HDAC4: variants seen among roughly 807,000 people sequenced by gnomAD.
HDAC4 encodes histone deacetylase A.
Under a neutral mutation model 135.1 loss-of-function variants are expected in HDAC4, and 16 were observed. The ratio of observed to expected loss-of-function variants is 0.12; its 90% CI spans 0.08 to 0.18. The LOEUF (loss-of-function observed/expected upper bound fraction) is 0.18. Among genes scored for constraint, HDAC4 ranks in the 10% least tolerant of loss-of-function variants. HDAC4 has a pLI of 1.00. For synonymous variants in HDAC4, 685 were observed against 653.4 expected, an observed-to-expected ratio of 1.05 and a Z score of -0.74; for missense variants, 1,143 against 1,511.8, an observed-to-expected ratio of 0.76 and a Z score of 4.05.
intron 16 of HDAC4, among the ~76,000 whole-genome samples, chr2:239,097,036 C>T (rs1292855147): frequency 1.3e-5 from 2 of 152,298 alleles, no homozygotes; most frequent in South Asian, 2.1e-4. Context: ...AGGATAGGCC[C>T]GGCCCCCATC....
intron 1 of HDAC4, among the ~76,000 whole-genome samples, chr2:239,374,654 C>T (rs112796682): frequency 0.045 from 6,883 of 152,014 alleles, 247 homozygotes; most frequent in Non-Finnish European, 0.062. Context: ...CCGCCCGCCT[C>T]GGCCTCCCAA....
chr2:239,306,233 C>T lies in HDAC4; in HGVS notation c.22+46445G>A, dbSNP rs563971473. Among the ~76,000 whole-genome samples the T allele has an allele frequency of 2.6e-5, 4 of 152,276 alleles. No individual in the cohort carries two copies. The South Asian group carries it at 8.3e-4, about 32-fold the overall frequency. On this transcript the variant is annotated intron_variant, in intron 2 of 26. Coordinates refer to ENST00000543185, the MANE Select transcript of HDAC4 (RefSeq NM_001378414.1). This position sits in a 1 kb window ranked among gnomAD's most constrained non-coding sequence, Gnocchi z 4.5. ...CTTCCACTTATTTTCCTATCATTTC[C>T]CATCTTTTCATACATTTAGAAGGCA...
intron 2 of HDAC4, among the ~76,000 whole-genome samples, chr2:239,243,151 A>G (rs1281809430): frequency 6.1e-5 from 9 of 148,690 alleles, no homozygotes; most frequent in Non-Finnish European, 1.5e-5. Flanking sequence ...ATAAATTAAC[A>G]TTCCTTTTTT....
rs1174313949 is a variant in HDAC4, at chr2:239,172,330, A to T, written c.490+4083T>A. Among the ~76,000 whole-genome samples the T allele has an allele frequency of 2.7e-5, 4 of 150,472 alleles. No homozygotes were observed. In the East Asian group the frequency reaches 5.8e-4, roughly 22 times the overall value. On this transcript the variant is annotated intron_variant, in intron 5 of 26. Coordinates refer to ENST00000543185, the MANE Select transcript of HDAC4 (RefSeq NM_001378414.1). ...TATATATATATATATCACTAAAAACATACACTAAAGGCAAGACAAGTGCAT... is the reference window on the plus strand; with the variant it reads ...TATATATATATATATCACTAAAAACTTACACTAAAGGCAAGACAAGTGCAT...
chr2:239,350,676 G>T (rs1263250054), intron 2 of HDAC4, among the ~76,000 whole-genome samples: 1 of 152,064 alleles, frequency 6.6e-6, no homozygotes, highest in Non-Finnish European at 1.5e-5. Context: ...GCTAATTTTT[G>T]TATTTTTAGT....
rs1032410547 is a variant in HDAC4, at chr2:239,313,150, A to C, written c.22+39528T>G. On this transcript the variant is annotated intron_variant, in intron 2 of 26. Transcript: ENST00000543185. The surrounding 1 kb of genome is among the most constrained non-coding windows in gnomAD (Gnocchi z 5.1). ...CCGAGGTGGCGGAGGAGGAAGCTGC[A>C]GCCCGTTATCCACCGCCCAGTCTCT... 4.6e-5 allele frequency among the ~76,000 whole-genome samples: 7 copies of C among 152,228 alleles called. No individual in the cohort carries two copies. The highest frequency in any genetic ancestry group is 1.7e-4 in the African/African-American group (7 of 41,462).
chr2:239,289,026 A>G (rs1559331724), intron 2 of HDAC4, among the ~76,000 whole-genome samples: 1 of 152,258 alleles, frequency 6.6e-6, no homozygotes. Flanking sequence ...TCAAGGAGAC[A>G]GTGCCCTGCT....
intron 5 of HDAC4, among the ~76,000 whole-genome samples, chr2:239,169,818 C>T (rs767128382): frequency 7.2e-5 from 11 of 152,160 alleles, no homozygotes; most frequent in Non-Finnish European, 1.5e-4. Flanking sequence ...TATGCCGCCC[C>T]GTCTCCTCAA....
chr2:239,147,569 G>A (rs1339517596), intron 7 of HDAC4, among the ~76,000 whole-genome samples: 6 of 152,264 alleles, frequency 3.9e-5, no homozygotes, highest in Non-Finnish European at 7.3e-5. Context: ...TTCCAGGCAC[G>A]ATGTGGCCAG....
chr2:239,081,538 C>A (rs1412069326), intron 21 of HDAC4, among the ~76,000 whole-genome samples: 2 of 152,240 alleles, frequency 1.3e-5, no homozygotes, highest in African/African-American at 2.4e-5. Flanking sequence ...TCTCTCTGGG[C>A]AGAAAGTGTC....
At position 239,051,691 on chromosome 2, in the gene HDAC4, T is replaced by C. The variant is rs1278940996; in HGVS notation, c.*1406A>G. The C allele has an allele frequency of 6.6e-6, 1 of 152,608 alleles. No homozygotes were observed. Among genetic ancestry groups the C allele is most frequent in the Admixed American group, 6.5e-5 (1 of 15,282 alleles). The allele number at this position is 152,608 out of a possible 1,614,324, so 9.5% of individuals were successfully genotyped here. A position where few individuals can be genotyped will look rare whatever the true frequency, so the allele number is the denominator to read the frequency against. On this transcript the variant is annotated 3_prime_UTR_variant, in exon 27 of 27. Coordinates refer to ENST00000543185, the MANE Select transcript of HDAC4 (RefSeq NM_001378414.1). ...ATGAAAGTACAAACTTGTAGGGTAG[T>C]TGCCCAGTGGCGAATGTGTTGGCGA...
At chr2:239,152,867 A>G (rs548343329) in intron 7 of HDAC4, among the ~76,000 whole-genome samples, 35 of 152,258 alleles carry the variant, frequency 2.3e-4, no homozygotes, top group Non-Finnish European at 4.1e-4. Context: ...ACAAGAGCAG[A>G]AAACACCTCG....
chr2:239,317,769 T>C (rs2053167923), intron 2 of HDAC4, among the ~76,000 whole-genome samples: 1 of 152,326 alleles, frequency 6.6e-6, no homozygotes, highest in East Asian at 1.9e-4. Flanking sequence ...ACCGCAACTT[T>C]AAGCCAACGA....
intron 26 of HDAC4, 36 bp from the exon 27 acceptor site, chr2:239,053,172 G>A (rs762792081): frequency 1.5e-5 from 24 of 1,613,428 alleles, no homozygotes; most frequent in East Asian, 2.2e-5. Flanking sequence ...TGGGGGCGTG[G>A]GGCAGGTGCA....
intron 1 of HDAC4, among the ~76,000 whole-genome samples, chr2:239,385,886 T>C (rs564539212): frequency 3.2e-4 from 48 of 152,290 alleles, no homozygotes; most frequent in African/African-American, 1.1e-3. Context: ...GACAGTCTCC[T>C]ACAGCTCTGC....
intron 2 of HDAC4, among the ~76,000 whole-genome samples, chr2:239,293,188 A>G (rs142595968): frequency 1.0e-3 from 156 of 152,264 alleles, no homozygotes; most frequent in African/African-American, 3.6e-3. Context: ...ATTTGTGTCC[A>G]TGGGATACAA....
chr2:239,169,701 C>A (rs1408504545), intron 5 of HDAC4, among the ~76,000 whole-genome samples: 1 of 152,214 alleles, frequency 6.6e-6, no homozygotes, highest in African/African-American at 2.4e-5. Flanking sequence ...CGTCCACTAC[C>A]GAGAGGGCCC....
At chr2:239,286,621 G>A (rs1458686811) in intron 2 of HDAC4, among the ~76,000 whole-genome samples, 1 of 152,138 alleles carries the variant, frequency 6.6e-6, no homozygotes, top group Admixed American at 6.5e-5. Context: ...CAAACTCACA[G>A]ACACAAAGGC....
intron 22 of HDAC4, among the ~76,000 whole-genome samples, chr2:239,075,223 CAAAAAAAAAAAAAAAAA>C (rs67188784): frequency 3.1e-5 from 1 of 31,748 alleles, no homozygotes; most frequent in East Asian, 1.1e-3. Context: ...GACTCCGTCT[CAAAAAAAAAAAAAAAAA>C]AAAAAAAAAA....
Sources: gnomAD v4.1 joint callset for allele counts (sites outside exome capture counted in the v4.1 genomes callset) on GRCh38, gnomAD v4.1.1 for gene constraint, Gnocchi (gnomAD v3.1) non-coding constraint, MANE v1.5 for transcripts, NCBI Gene and HGNC (gene_info 2026-07-23, HGNC 2026-07-21) for gene names.